TKFC: variants seen among roughly 807,000 people sequenced by gnomAD.
TKFC encodes the protein triokinase/FMN cyclase.
Under a neutral mutation model 61.0 loss-of-function variants are expected in TKFC, and 46 were observed. The observed-to-expected ratio is 0.75, with a 90% CI of 0.60 to 0.96. The LOEUF (loss-of-function observed/expected upper bound fraction) is 0.96, where lower values mean the gene tolerates loss of function less well. TKFC is among the 50% of genes least tolerant of loss of function. The pLI, the probability that TKFC is intolerant of heterozygous loss-of-function variation, is 0.00. For missense variants in TKFC, 715 were observed against 777.5 expected, an observed-to-expected ratio of 0.92 and a Z score of 0.96; for synonymous variants, 314 against 330.1, an observed-to-expected ratio of 0.95 and a Z score of 0.53.
At position 61,333,234 on chromosome 11, in the gene TKFC, G is replaced by T; in HGVS notation, c.-205G>T. 2 of 341,732 alleles carry T rather than the reference G, an allele frequency of 5.9e-6. No homozygotes were observed. The highest frequency in any genetic ancestry group is 1.1e-5 in the Non-Finnish European group (2 of 189,476). The allele number at this position is 341,732 out of a possible 1,614,324, so 21.2% of individuals were successfully genotyped here. On this transcript the variant is annotated 5_prime_UTR_variant, in exon 1 of 18. Transcript: ENST00000394900. ...CACCGCCTCGCCTCTTTCCGCCAGC[G>T]CCCGCAGGACCCGGATGAGAGCGCA...
chr11:61,347,351 G>A lies in TKFC; in HGVS notation c.*848G>A. 2.2e-6 allele frequency: 2 copies of A among 908,602 alleles called. No individual in the cohort carries two copies. The highest frequency in any genetic ancestry group is 5.0e-5 in the South Asian group (1 of 19,834). 56.3% of individuals were successfully genotyped at this position (908,602 alleles called of 1,614,324 possible). A position where few individuals can be genotyped will look rare whatever the true frequency, so the allele number is the denominator to read the frequency against. On this transcript the variant is annotated 3_prime_UTR_variant, in exon 18 of 18. Coordinates refer to ENST00000394900, the MANE Select transcript of TKFC (RefSeq NM_015533.4). ...ACACTCAGGAGTTCAAGACCAGTCTGGGCAACATGGTAAAACCCTGTCTCT... is the reference window on the plus strand; with the variant it reads ...ACACTCAGGAGTTCAAGACCAGTCTAGGCAACATGGTAAAACCCTGTCTCT...
intron 13 of TKFC, 92 bp from the exon 14 acceptor site, chr11:61,345,168 T>A: frequency 9.3e-7 from 1 of 1,070,856 alleles, no homozygotes; most frequent in Non-Finnish European, 1.3e-6. Context: ...CACTTCCCTG[T>A]CGGCCTTTTC....
In TKFC at chr11:61,347,595, C is replaced by T. The variant is rs888014600; in HGVS notation, c.*1092C>T. 3 of 984,798 alleles carry T rather than the reference C, an allele frequency of 3.0e-6. No individual in the cohort carries two copies. Among genetic ancestry groups the T allele is most frequent in the East Asian group, 1.1e-4 (1 of 8,806 alleles). The allele number at this position is 984,798 out of a possible 1,614,324, so 61.0% of individuals were successfully genotyped here. A position where few individuals can be genotyped will look rare whatever the true frequency, so the allele number is the denominator to read the frequency against. ...GCCAAGCCAGCCCCTAGGTCTCTTT[C>T]TAGAGCGATCACTGATGGCACCAGG... On this transcript the variant is annotated 3_prime_UTR_variant, in exon 18 of 18. Transcript: ENST00000394900.
In TKFC at chr11:61,345,298, A is replaced by G; in HGVS notation, c.1279A>G (p.Ser427Gly). The change falls in exon 14 of 18, where the codon AGC (serine) becomes GGC (glycine). Residue 427 changes from serine to glycine, a missense_variant. Coordinates refer to ENST00000394900, the MANE Select transcript of TKFC (RefSeq NM_015533.4). ...EWLKEGPPPA[S>G]PAQLLSKLSV... ...GCTGAAGGAGGGCCCACCCCCTGCCAGCCCTGCCCAGCTGCTCTCCAAGTT... is the reference window on the plus strand; with the variant it reads ...GCTGAAGGAGGGCCCACCCCCTGCCGGCCCTGCCCAGCTGCTCTCCAAGTT... The G allele has an allele frequency of 6.3e-7, 1 of 1,598,960 alleles. No homozygotes were observed. Among genetic ancestry groups the G allele is most frequent in the African/African-American group, 1.3e-5 (1 of 74,846 alleles).
intron 8 of TKFC, 27 bp from the exon 9 acceptor site, chr11:61,342,547 C>T: frequency 6.2e-7 from 1 of 1,614,004 alleles, no homozygotes. Flanking sequence ...CCCCCAGATG[C>T]AGCTCATTCC....
rs1206592341 is a variant in TKFC, at chr11:61,337,827, TG to T, written c.4-112del. On this transcript the variant is annotated intron_variant, in intron 2 of 17. Coordinates refer to ENST00000394900, the MANE Select transcript of TKFC (RefSeq NM_015533.4). Reference sequence around the variant, plus strand: ...CCAACTCAAGGAAGTCCTGTGCTCCTGGAGTTCCTAGGTGGATGCGGGAGAG... The same window carrying T: ...CCAACTCAAGGAAGTCCTGTGCTCCTGAGTTCCTAGGTGGATGCGGGAGAG... 409 of 1,009,076 alleles carry T rather than the reference TG, an allele frequency of 4.1e-4. 2 individuals carry two copies. The highest frequency in any genetic ancestry group is 1.5e-4 in the Non-Finnish European group (105 of 709,342). 62.5% of individuals were successfully genotyped at this position (1,009,076 alleles called of 1,614,324 possible). A position where few individuals can be genotyped will look rare whatever the true frequency, so the allele number is the denominator to read the frequency against.
chr11:61,341,407 C>T (rs1379578752), intron 5 of TKFC, 29 bp from the exon 6 acceptor site: 1 of 1,551,346 alleles, frequency 6.4e-7, no homozygotes, highest in African/African-American at 1.4e-5. Flanking sequence ...ACCCTCCCCC[C>T]TGGGGCTTTT....
In TKFC at chr11:61,347,925, C is replaced by T. The variant is rs999624094; in HGVS notation, c.*1422C>T. 3.0e-6 allele frequency: 3 copies of T among 985,336 alleles called. No individual in the cohort carries two copies. Among genetic ancestry groups the T allele is most frequent in the Non-Finnish European group, 3.6e-6 (3 of 829,878 alleles). The allele number at this position is 985,336 out of a possible 1,614,324, so 61.0% of individuals were successfully genotyped here. ...TTACGGTTATCACAGGGGTTGGGCC[C>T]CCAGCCCCTCCCAGGTCATCTGCTC... On this transcript the variant is annotated 3_prime_UTR_variant, in exon 18 of 18. Coordinates refer to ENST00000394900, the MANE Select transcript of TKFC (RefSeq NM_015533.4).
chr11:61,349,613 G>A (rs768848652), downstream of TKFC: 1 of 703,004 alleles, frequency 1.4e-6, no homozygotes, highest in South Asian at 1.5e-5. Context: ...ACAGGGAAAG[G>A]CCGGGATCCA....
chr11:61,334,994 G>A (rs980167184), intron 2 of TKFC, among the ~76,000 whole-genome samples: 2 of 152,154 alleles, frequency 1.3e-5, no homozygotes, highest in Non-Finnish European at 2.9e-5. Flanking sequence ...TCTGGGTCTT[G>A]CATTCAGAGT....
In TKFC at chr11:61,346,653, C is replaced by T; in HGVS notation, c.*150C>T. The T allele has an allele frequency of 6.9e-7, 1 of 1,457,136 alleles. No individual in the cohort carries two copies. Among genetic ancestry groups the T allele is most frequent in the Non-Finnish European group, 9.0e-7 (1 of 1,109,954 alleles). The allele number at this position is 1,457,136 out of a possible 1,614,324, so 90.3% of individuals were successfully genotyped here. A position where few individuals can be genotyped will look rare whatever the true frequency, so the allele number is the denominator to read the frequency against. ...GTTGAGCAGGAAATCCTCCACCAAG[C>T]TTCCAGAACTACAGACAGCACCCAG... is the stretch of plus-strand genomic sequence containing the variant. On this transcript the variant is annotated 3_prime_UTR_variant, in exon 18 of 18. Coordinates refer to ENST00000394900, the MANE Select transcript of TKFC (RefSeq NM_015533.4). This position sits in a 1 kb window ranked among gnomAD's most constrained non-coding sequence, Gnocchi z 4.1.
At position 61,334,633 on chromosome 11, in the gene TKFC, C is replaced by T; in HGVS notation, c.-96C>T. 14 of 1,553,944 alleles carry T rather than the reference C, an allele frequency of 9.0e-6. No individual in the cohort carries two copies. In the South Asian group the frequency reaches 9.0e-5, roughly 10 times the overall value. ...CCACTCCTGCAGGTGCTGCTGCTGC[C>T]TCCACTGTACTCAGACCCAGGTAGC... On this transcript the variant is annotated 5_prime_UTR_variant, in exon 2 of 18. Coordinates refer to ENST00000394900, the MANE Select transcript of TKFC (RefSeq NM_015533.4).
Position 61,342,798 on chromosome 11 carries a change from A to G in TKFC, c.819A>G (p.Ser273=), listed in dbSNP as rs1489602105. 3 of 1,613,868 alleles carry G rather than the reference A, an allele frequency of 1.9e-6. No individual in the cohort carries two copies. Among genetic ancestry groups the G allele is most frequent in the Admixed American group, 1.7e-5 (1 of 60,026 alleles). The change falls in exon 10 of 18, where the codon TCA becomes TCG. Residue 273 remains serine, a synonymous_variant. Transcript: ENST00000394900. ...TGGTCAACAACCTGGGTGGCCTGTC[A>G]TTCCTGGAACTGGGCATCATAGCCG... is the stretch of plus-strand genomic sequence containing the variant. ...VMMVNNLGGL[S]FLELGIIADA... is the part of the protein sequence containing the mutation.
downstream of TKFC, chr11:61,350,716 G>T: frequency 1.7e-6 from 1 of 592,104 alleles, no homozygotes; most frequent in Non-Finnish European, 2.9e-6. Context: ...CCTTGGGGAA[G>T]AAGATAAGGC....
chr11:61,344,378 TTTA>T (rs1346457959), intron 13 of TKFC, 105 bp downstream of exon 13: 12 of 1,061,378 alleles, frequency 1.1e-5, no homozygotes, highest in African/African-American at 1.5e-5. Flanking sequence ...TTTTTTTTTT[TTTA>T]AGAAGGAATC....
rs747042817 is a variant in TKFC, at chr11:61,343,445, C to T, written c.969C>T (p.Leu323=). The T allele has an allele frequency of 1.2e-6, 2 of 1,614,116 alleles. No homozygotes were observed. The highest frequency in any genetic ancestry group is 2.2e-5 in the East Asian group (1 of 44,872). ...CCCTCCTGCTGGTGGATGAGCCTCT[C>T]CTGAAACTGATAGGTGAGACTTGGA... ...SLTLLLVDEP[L]LKLIDAETTA... The change falls in exon 11 of 18, where the codon CTC becomes CTT. Residue 323 remains leucine, a synonymous_variant. Coordinates refer to ENST00000394900, the MANE Select transcript of TKFC (RefSeq NM_015533.4).
rs769321622 is a variant in TKFC, at chr11:61,345,601, G to A, written c.1451+36G>A. Reference sequence around the variant, plus strand: ...GCCCTGTGCATCAGACCAGGGGTGGGCTGGGGGAGGTGTTTGGTGACATCT... The same window carrying A: ...GCCCTGTGCATCAGACCAGGGGTGGACTGGGGGAGGTGTTTGGTGACATCT... On this transcript the variant is annotated intron_variant, in intron 15 of 17. Transcript: ENST00000394900. 2.5e-6 allele frequency: 4 copies of A among 1,611,788 alleles called. No individual in the cohort carries two copies. The African/African-American group carries it at 4.0e-5, about 16-fold the overall frequency.
At chr11:61,352,338 C>A (rs1192362386), downstream of TKFC, 2 of 153,596 alleles carry the variant, frequency 1.3e-5, no homozygotes, top group Non-Finnish European at 2.9e-5. Context: ...CCTGAACAGT[C>A]CTATTGCAGA....
At chr11:61,343,238 C>A in intron 10 of TKFC, 104 bp from the exon 11 acceptor site, 1 of 1,060,404 alleles carries the variant, frequency 9.4e-7, no homozygotes, top group Non-Finnish European at 1.4e-6. Flanking sequence ...GGACATCTCC[C>A]TCCCGACCTC....
Sources: gnomAD v4.1 joint callset for allele counts (sites outside exome capture counted in the v4.1 genomes callset) on GRCh38, gnomAD v4.1.1 for gene constraint, Gnocchi (gnomAD v3.1) non-coding constraint, MANE v1.5 for transcripts, NCBI Gene and HGNC (gene_info 2026-07-23, HGNC 2026-07-21) for gene names.